The following THADA variants were observed in gnomAD, a reference collection of about 807,000 sequenced individuals.
THADA encodes the protein tRNA (32-2'-O)-methyltransferase regulator THADA.
In THADA, 213 loss-of-function variants were observed where a neutral mutation model predicts 219.8. The ratio of observed to expected loss-of-function variants is 0.97; its 90% confidence interval spans 0.87 to 1.09. The LOEUF (loss-of-function observed/expected upper bound fraction) is 1.09, where lower values mean the gene tolerates loss of function less well. Ranked by LOEUF, THADA falls within the 50% of genes least tolerant of loss-of-function variation. The probability of loss-of-function intolerance (pLI) is 0.00; values close to 1 mark genes in which losing one functional copy is unlikely to be tolerated. For synonymous variants in THADA, 1,018 were observed against 828.9 expected (o/e 1.23, Z -3.92); for missense variants, 2,956 against 2,311.3 (o/e 1.28, Z -5.72).
intron 29 of THADA, among the ~76,000 whole-genome samples, chr2:43,370,820 G>GT (rs1394424902): frequency 2.6e-5 from 4 of 152,216 alleles, no homozygotes; most frequent in Non-Finnish European, 5.9e-5. Flanking sequence ...AAACTCAGTA[G>GT]ATTTCAAAAT....
intron 28 of THADA, among the ~76,000 whole-genome samples, chr2:43,403,346 G>A (rs1675108612): frequency 6.6e-6 from 1 of 152,198 alleles, no homozygotes; most frequent in African/African-American, 2.4e-5. Context: ...CGAAGATGAT[G>A]CTGATAATAG....
chr2:43,591,991 T>G lies in THADA; in HGVS notation c.132A>C (p.Gln44His), dbSNP rs1048113778. The G allele has an allele frequency of 1.3e-6, 2 of 1,562,686 alleles. No homozygotes were observed. Among genetic ancestry groups the G allele is most frequent in the African/African-American group, 2.7e-5 (2 of 73,938 alleles). Residue 44 changes from glutamine to histidine, a missense_variant, in exon 3 of 38, where the codon CAA becomes CAC. Coordinates refer to ENST00000405975, the MANE Select transcript of THADA (RefSeq NM_022065.5). The part of the protein sequence containing the change: ...NLASLLLHCV[Q>H]LTDGVSQIHY... ...GGATTTGTGACACTCCATCCGTGAG[T>G]TGCACACAATGTAACAGCAAAGAAG...
chr2:43,372,511 T>C (rs902869581), intron 29 of THADA, among the ~76,000 whole-genome samples: 1 of 152,134 alleles, frequency 6.6e-6, no homozygotes, highest in Non-Finnish European at 1.5e-5. Context: ...CCATTAAACT[T>C]GGAGTTCTAG....
At chr2:43,294,677 G>C (rs1308303103) in intron 31 of THADA, among the ~76,000 whole-genome samples, 1 of 152,166 alleles carries the variant, frequency 6.6e-6, no homozygotes, top group Non-Finnish European at 1.5e-5. Context: ...TATCGTTGAG[G>C]AGGCAATATT....
chr2:43,371,752 A>G (rs148209996), intron 29 of THADA, among the ~76,000 whole-genome samples: 15 of 152,250 alleles, frequency 9.9e-5, no homozygotes, highest in Admixed American at 9.8e-4. Flanking sequence ...CTGTCCATGG[A>G]CTGAATTACT....
At chr2:43,586,320 G>C in intron 7 of THADA, 81 bp downstream of exon 7, 1 of 1,172,126 alleles carries the variant, frequency 8.5e-7, no homozygotes, top group South Asian at 1.7e-5. Flanking sequence ...ATCACATTCT[G>C]AGACTTTTAA....
At position 43,404,956 on chromosome 2, in the gene THADA, C is replaced by A. The variant is rs116256123; in HGVS notation, c.4059-6817G>T. Among the ~76,000 whole-genome samples, 638 of 152,170 alleles carry A rather than the reference C, an allele frequency of 4.2e-3. 5 individuals are homozygous for A. Among genetic ancestry groups the A allele is most frequent in the African/African-American group, 0.015 (605 of 41,508 alleles). ...CAGGTGGAATAATTTGAAAATAAAA[C>A]CTTTATACACATTTACAAATTGTTT... On this transcript the variant is annotated intron_variant, in intron 28 of 37. Coordinates refer to ENST00000405975, the MANE Select transcript of THADA (RefSeq NM_022065.5).
chr2:43,400,892 G>T (rs140614284), intron 28 of THADA, among the ~76,000 whole-genome samples: 3 of 152,244 alleles, frequency 2.0e-5, no homozygotes, highest in Non-Finnish European at 4.4e-5. Flanking sequence ...AAAAAGGTAA[G>T]ACAACATGTT....
At chr2:43,558,106 T>G (rs1697604566) in intron 16 of THADA, among the ~76,000 whole-genome samples, 1 of 152,212 alleles carries the variant, frequency 6.6e-6, no homozygotes, top group African/African-American at 2.4e-5. Flanking sequence ...AAGTCTAAAA[T>G]GTCTTTGTTC....
At chr2:43,560,468 A>G (rs1191501125) in intron 15 of THADA, 83 bp from the exon 16 acceptor site, 1 of 1,047,708 alleles carries the variant, frequency 9.5e-7, no homozygotes, top group Non-Finnish European at 1.3e-6. Flanking sequence ...AAATTTATAG[A>G]AAATAAGTAC....
intron 36 of THADA, among the ~76,000 whole-genome samples, chr2:43,244,418 G>C (rs1421152069): frequency 6.6e-6 from 1 of 152,234 alleles, no homozygotes; most frequent in African/African-American, 2.4e-5. Flanking sequence ...ACAACCTGGA[G>C]CTGTCACAGC....
chr2:43,279,823 A>G lies in THADA; in HGVS notation c.5238T>C (p.Asp1746=). 6.4e-7 allele frequency: 1 copy of G among 1,560,990 alleles called. No individual in the cohort carries two copies. Among genetic ancestry groups the G allele is most frequent in the Non-Finnish European group, 8.7e-7 (1 of 1,152,124 alleles). ...LLQSEEQAVR[D]AATETVTTAM... is the part of the protein sequence containing the mutation. ...CAGTTGTCACGGTTTCCGTGGCTGC[A>G]TCTCTAACAGCTTGCTCCTCACTCT... The change falls in exon 36 of 38, where the codon GAT becomes GAC. Residue 1746 remains aspartate, a synonymous_variant. Transcript: ENST00000405975.
At chr2:43,573,061 T>C (rs571668796) in intron 11 of THADA, 69 bp from the exon 12 acceptor site, 3 of 1,240,256 alleles carry the variant, frequency 2.4e-6, no homozygotes, top group East Asian at 5.3e-5. Flanking sequence ...GCTGCTAATT[T>C]TCATGTTTCC....
Position 43,398,159 on chromosome 2 carries a change from C to G in THADA, c.4059-20G>C, listed in dbSNP as rs1489528413. The G allele has an allele frequency of 6.2e-7, 1 of 1,610,362 alleles. No individual in the cohort carries two copies. The highest frequency in any genetic ancestry group is 1.3e-5 in the African/African-American group (1 of 74,908). The stretch of plus-strand genomic sequence containing the variant: ...CCACACCTGGGGAGAAATAAAAACA[C>G]AAGACCATTCAATAGTCATCTCCAC... On this transcript the variant is annotated intron_variant, in intron 28 of 37. Transcript: ENST00000405975.
At chr2:43,569,404 T>C (rs1296295014) in intron 14 of THADA, among the ~76,000 whole-genome samples, 1 of 152,176 alleles carries the variant, frequency 6.6e-6, no homozygotes, top group Non-Finnish European at 1.5e-5. Context: ...CTCAAATCAA[T>C]CTTTGAGAAA....
At chr2:43,594,054 CAAAG>C (rs1394168156) in intron 1 of THADA, among the ~76,000 whole-genome samples, 1 of 152,068 alleles carries the variant, frequency 6.6e-6, no homozygotes, top group East Asian at 1.9e-4. Flanking sequence ...ACCTTTTAAA[CAAAG>C]AAATTTTCCA....
intron 26 of THADA, among the ~76,000 whole-genome samples, chr2:43,452,844 A>G (rs956700221): frequency 6.6e-6 from 1 of 152,224 alleles, no homozygotes; most frequent in South Asian, 2.1e-4. Context: ...ATTGGGTCCA[A>G]TAAGTCTCCT....
intron 29 of THADA, among the ~76,000 whole-genome samples, chr2:43,379,639 T>G (rs1241303813): frequency 6.6e-6 from 1 of 152,204 alleles, no homozygotes; most frequent in African/African-American, 2.4e-5. Context: ...GATAGCCAGT[T>G]TCTTAAAAAG....
At chr2:43,281,307 C>A (rs1204250329) in intron 35 of THADA, among the ~76,000 whole-genome samples, 2 of 151,986 alleles carry the variant, frequency 1.3e-5, no homozygotes, top group Admixed American at 1.3e-4. Flanking sequence ...GGTTCAATAC[C>A]TTCCTTTCTT....
Sources: allele counts gnomAD v4.1 joint callset (sites outside exome capture counted in the v4.1 genomes callset), GRCh38; gene constraint gnomAD v4.1.1; transcripts MANE v1.5; gene names NCBI Gene and HGNC (gene_info 2026-07-23, HGNC 2026-07-21).